XRCC5: variants seen among roughly 807,000 people sequenced by gnomAD.
XRCC5 encodes X-ray repair cross complementing 5.
XRCC5 carries 12 observed loss-of-function variants against 95.7 expected under a neutral mutation model. The ratio of observed to expected loss-of-function variants is 0.13; its 90% CI spans 0.08 to 0.20. XRCC5 has a LOEUF of 0.20. Among genes scored for constraint, XRCC5 ranks in the 10% least tolerant of loss-of-function variants. The pLI is 1.00. For synonymous variants in XRCC5, 281 were observed against 290.3 expected, an observed-to-expected ratio of 0.97 and a Z score of 0.33; for missense variants, 595 against 873.9, an observed-to-expected ratio of 0.68 and a Z score of 4.02.
chr2:216,122,327 A>G, intron 6 of XRCC5, 74 bp downstream of exon 6: 2 of 1,405,860 alleles, frequency 1.4e-6, no homozygotes, highest in Non-Finnish European at 1.9e-6. Context: ...GAGGTCTCCC[A>G]AATGTTTCCT....
chr2:216,122,028 T>G, intron 5 of XRCC5, 34 bp from the exon 6 acceptor site: 1 of 1,569,342 alleles, frequency 6.4e-7, no homozygotes, highest in Non-Finnish European at 8.7e-7. Flanking sequence ...GTTACAGGAT[T>G]AGAACACTAA....
At chr2:216,147,645 G>C (rs1369010240) in intron 13 of XRCC5, among the ~76,000 whole-genome samples, 2 of 152,130 alleles carry the variant, frequency 1.3e-5, no homozygotes, top group African/African-American at 4.8e-5. Context: ...GTAGCCACCT[G>C]TTTCATCCAC....
intron 16 of XRCC5, among the ~76,000 whole-genome samples, chr2:216,174,541 T>C (rs1429943079): frequency 6.6e-6 from 1 of 152,222 alleles, no homozygotes; most frequent in Admixed American, 6.5e-5. Flanking sequence ...CTTTAATTTT[T>C]TTATTCCTGT....
intron 6 of XRCC5, among the ~76,000 whole-genome samples, chr2:216,123,464 A>C (rs1466559289): frequency 6.6e-6 from 1 of 152,302 alleles, no homozygotes; most frequent in South Asian, 2.1e-4. Context: ...TTCTCTTTCA[A>C]ATTTTGGAAT....
intron 18 of XRCC5, among the ~76,000 whole-genome samples, chr2:216,193,666 G>A (rs931725864): frequency 6.6e-6 from 1 of 152,212 alleles, no homozygotes; most frequent in Admixed American, 6.5e-5. Flanking sequence ...CCCCGTAAAT[G>A]AAGGAGATTG....
At chr2:216,111,592 A>G (rs1365083041) in intron 1 of XRCC5, among the ~76,000 whole-genome samples, 3 of 152,184 alleles carry the variant, frequency 2.0e-5, no homozygotes, top group African/African-American at 4.8e-5. Context: ...TCTGACTTAA[A>G]TATCTAGTTA....
intron 2 of XRCC5, among the ~76,000 whole-genome samples, chr2:216,114,957 G>C (rs41297752): frequency 0.047 from 7,100 of 152,172 alleles, 555 homozygotes; most frequent in African/African-American, 0.16. Flanking sequence ...GCTCAAGGGA[G>C]GAACAAAGGA....
chr2:216,139,368 A>C (rs1291407707), intron 12 of XRCC5, among the ~76,000 whole-genome samples: 1 of 151,802 alleles, frequency 6.6e-6, no homozygotes, highest in East Asian at 1.9e-4. Context: ...GGCGAAAGGC[A>C]CTTACATGGT....
At chr2:216,141,374 T>G in intron 13 of XRCC5, 55 bp downstream of exon 13, 1 of 1,605,532 alleles carries the variant, frequency 6.2e-7, no homozygotes, top group South Asian at 1.1e-5. Context: ...GAGAGCTAAG[T>G]GCAAAGTTGC....
At position 216,136,983 on chromosome 2, in the gene XRCC5, A is replaced by C. The variant is rs41296382; in HGVS notation, c.1114-105A>C. 9.9e-5 allele frequency: 138 copies of C among 1,393,030 alleles called. No individual in the cohort carries two copies. In the East Asian group the frequency reaches 3.0e-3, roughly 30 times the overall value. The allele number at this position is 1,393,030 out of a possible 1,614,324, so 86.3% of individuals were successfully genotyped here. A position where few individuals can be genotyped will look rare whatever the true frequency, so the allele number is the denominator to read the frequency against. On this transcript the variant is annotated intron_variant, in intron 10 of 20. Transcript: ENST00000392132. ...CCTTCAAGTCAGGGGGCACCCTAAA[A>C]AATGTAAAATAGAAAGAAAGTGATA...
chr2:216,192,810 T>A, intron 18 of XRCC5, 75 bp downstream of exon 18: 2 of 958,356 alleles, frequency 2.1e-6, no homozygotes, highest in Non-Finnish European at 3.0e-6. Flanking sequence ...AATATACATA[T>A]AAATTCTAAA....
chr2:216,114,919 A>G (rs1696660489), intron 2 of XRCC5, among the ~76,000 whole-genome samples: 3 of 152,138 alleles, frequency 2.0e-5, no homozygotes, highest in Non-Finnish European at 2.9e-5. Context: ...TAGCAGGGCT[A>G]GTGCGCATGC....
At chr2:216,158,514 T>A (rs976959266) in intron 14 of XRCC5, among the ~76,000 whole-genome samples, 3 of 152,220 alleles carry the variant, frequency 2.0e-5, no homozygotes, top group African/African-American at 4.8e-5. Flanking sequence ...CCTTTTTTTT[T>A]AAAACAGACT....
chr2:216,157,713 G>A (rs939646924), intron 14 of XRCC5, among the ~76,000 whole-genome samples: 1 of 152,106 alleles, frequency 6.6e-6, no homozygotes, highest in Non-Finnish European at 1.5e-5. Context: ...GTAAATATTA[G>A]GCTAAATAAG....
intron 1 of XRCC5, chr2:216,111,460 G>T (rs757831897): frequency 6.8e-6 from 3 of 440,226 alleles, no homozygotes; most frequent in South Asian, 4.8e-5. Flanking sequence ...GGAGATGGAG[G>T]CAGTAGTGAG....
intron 14 of XRCC5, among the ~76,000 whole-genome samples, chr2:216,159,364 A>T (rs1413856661): frequency 6.6e-6 from 1 of 152,232 alleles, no homozygotes; most frequent in Non-Finnish European, 1.5e-5. Context: ...AGGCTGTTAA[A>T]GCCAGCATGT....
intron 16 of XRCC5, among the ~76,000 whole-genome samples, chr2:216,177,515 C>G (rs1050981612): frequency 2.0e-5 from 3 of 152,156 alleles, no homozygotes; most frequent in African/African-American, 7.2e-5. Context: ...TCTGAATCCT[C>G]TGCTTCGAGG....
Position 216,170,130 on chromosome 2 carries a change from C to T in XRCC5, c.1834+8082C>T, listed in dbSNP as rs114975970. 4.3e-3 allele frequency among the ~76,000 whole-genome samples: 639 copies of T among 150,056 alleles called. 2 individuals carry two copies. Among genetic ancestry groups the T allele is most frequent in the African/African-American group, 0.015 (619 of 40,890 alleles). ...AACTCAGTTAAGGTTTTCTGGGATC[C>T]CCTTTGTCAAGAGGGGGTCCATTTC... On this transcript the variant is annotated intron_variant, in intron 16 of 20. Transcript: ENST00000392132.
In XRCC5 at chr2:216,187,821, ACTCTCTCTCTCTCTCTCTCTCT is replaced by A. The variant is rs371097633; in HGVS notation, c.1835-2384_1835-2363del. 5.8e-4 allele frequency among the ~76,000 whole-genome samples: 28 copies of A among 47,952 alleles called. 1 individual carries two copies. In the Admixed American group the frequency reaches 7.2e-3, roughly 12 times the overall value. The allele number at this position is 47,952 out of a possible 152,430, so 31.5% of individuals were successfully genotyped here. On this transcript the variant is annotated intron_variant, in intron 16 of 20. Transcript: ENST00000392132. The stretch of plus-strand genomic sequence containing the variant: ...CACACACACACACACACACACACAC[ACTCTCTCTCTCTCTCTCTCTCT>A]CTCTCTCTCTCTCTCTCTCCCCGTC...
Sources: allele counts gnomAD v4.1 joint callset (sites outside exome capture counted in the v4.1 genomes callset), GRCh38; gene constraint gnomAD v4.1.1; transcripts MANE v1.5; gene names NCBI Gene and HGNC (gene_info 2026-07-23, HGNC 2026-07-21).